The following SHCBP1 variants were observed in gnomAD, a reference collection of about 807,000 sequenced individuals.
SHCBP1 encodes SHC binding and spindle associated 1, also known as SHC SH2 domain-binding protein 1.
Under a neutral mutation model 75.1 loss-of-function variants are expected in SHCBP1, and 60 were observed. That is an observed-to-expected ratio of 0.80 (90% CI 0.65 to 0.99). The LOEUF (loss-of-function observed/expected upper bound fraction) is 0.99, where lower values mean the gene tolerates loss of function less well. Ranked by LOEUF, SHCBP1 falls within the 50% of genes least tolerant of loss-of-function variation. The pLI is 0.00. For missense variants in SHCBP1, 709 were observed against 809.4 expected (o/e 0.88, Z 1.50); for synonymous variants, 290 against 293.2 (o/e 0.99, Z 0.11).
In SHCBP1 at chr16:46,599,930, T is replaced by G. The variant is rs1429707771; in HGVS notation, c.1246A>C (p.Lys416Gln). 6.2e-7 allele frequency: 1 copy of G among 1,613,364 alleles called. No individual in the cohort carries two copies. The highest frequency in any genetic ancestry group is 1.7e-5 in the Admixed American group (1 of 59,866). ...ACAAAAGTGTCGCCTTTGCCCCTCT[T>G]TTCTATCACAATGTCATCTGGTAGG... is the stretch of plus-strand genomic sequence containing the variant. ...YGLPDDIVIEKRGKGDTFVDC... is the reference protein window; with the variant it reads ...YGLPDDIVIEQRGKGDTFVDC... Residue 416 changes from lysine to glutamine, a missense_variant, in exon 9 of 13, where the codon AAG (lysine) becomes CAG (glutamine). By Grantham distance (53) the Lys-to-Gln change is moderately conservative. Transcript: ENST00000303383.
At chr16:46,584,403 G>GA (rs745598476) in intron 10 of SHCBP1, 1,392 of 167,702 alleles carry the variant, frequency 8.3e-3, no homozygotes, top group Middle Eastern at 0.017. Flanking sequence ...ATTCTGCCAA[G>GA]AAAAAAAAAA....
intron 4 of SHCBP1, among the ~76,000 whole-genome samples, chr16:46,612,986 C>T (rs1321427991): frequency 2.6e-5 from 4 of 152,156 alleles, no homozygotes; most frequent in Non-Finnish European, 4.4e-5. Context: ...CTCTCTCTTG[C>T]GTCTTAACTG....
Position 46,595,663 on chromosome 16 carries a change from G to A in SHCBP1, c.1353C>T (p.His451=), listed in dbSNP as rs267604549. ...HDAVEGILIV[H]RGKTTLENCV... Reference sequence around the variant, plus strand: ...AGTTTTCCAGCGTAGTCTTACCACGGTGAACAACTGGGATGAAAATACACG... The same window carrying A: ...AGTTTTCCAGCGTAGTCTTACCACGATGAACAACTGGGATGAAAATACACG... Residue 451 remains histidine, a synonymous_variant, in exon 10 of 13, where the codon CAC becomes CAT. Transcript: ENST00000303383. 10 of 1,612,596 alleles carry A rather than the reference G, an allele frequency of 6.2e-6. No individual in the cohort carries two copies. Among genetic ancestry groups the A allele is most frequent in the Non-Finnish European group, 8.5e-6 (10 of 1,178,874 alleles).
At position 46,599,840 on chromosome 16, in the gene SHCBP1, C is replaced by T. The variant is rs753737111; in HGVS notation, c.1336G>A (p.Gly446Arg). The change falls in exon 9 of 13, where the codon GGA (glycine) becomes AGA (arginine). Residue 446 changes from glycine (G) to arginine (R), a missense_variant. Transcript: ENST00000303383. ...ACATTCAGATACTTACTTAAGATTCCCTCTACAGCATCATGCTGAACAAAT... is the reference window on the plus strand; with the variant it reads ...ACATTCAGATACTTACTTAAGATTCTCTCTACAGCATCATGCTGAACAAAT... ...IKFVQHDAVE[G>R]ILIVHRGKTT... 1 of 1,601,314 alleles carries T rather than the reference C, an allele frequency of 6.2e-7. No individual in the cohort carries two copies. The highest frequency in any genetic ancestry group is 8.5e-7 in the Non-Finnish European group (1 of 1,175,928).
intron 9 of SHCBP1, among the ~76,000 whole-genome samples, chr16:46,598,968 A>G (rs1362261807): frequency 6.6e-6 from 1 of 152,216 alleles, no homozygotes; most frequent in South Asian, 2.1e-4. Flanking sequence ...CTTCTTCTAC[A>G]GCTTCCTCAC....
In SHCBP1 at chr16:46,621,377, G is replaced by T. The variant is rs779705278; in HGVS notation, c.-18C>A. ...TCAGCCATTTCAAATTTCCGCGGAC[G>T]GCAGCCCAGGCAACGACGTGATGAC... is the stretch of plus-strand genomic sequence containing the variant. On this transcript the variant is annotated 5_prime_UTR_variant, in exon 1 of 13. Coordinates refer to ENST00000303383, the MANE Select transcript of SHCBP1 (RefSeq NM_024745.5). The T allele has an allele frequency of 7.5e-6, 12 of 1,609,014 alleles. No individual in the cohort carries two copies. The highest frequency in any genetic ancestry group is 1.3e-5 in the African/African-American group (1 of 74,958).
At chr16:46,613,214 T>A (rs563826111) in intron 4 of SHCBP1, among the ~76,000 whole-genome samples, 1 of 152,290 alleles carries the variant, frequency 6.6e-6, no homozygotes, top group East Asian at 1.9e-4. Flanking sequence ...TAATCCCAGC[T>A]GATCCAGAGG....
Position 46,616,129 on chromosome 16 carries a change from A to G in SHCBP1, c.413T>C (p.Leu138Ser). The change falls in exon 4 of 13, where the codon TTG becomes TCG. Residue 138 changes from leucine (L) to serine (S), a missense_variant. Transcript: ENST00000303383. This position sits in a 1 kb window ranked among gnomAD's most constrained non-coding sequence, Gnocchi z 4.4. Reference sequence around the variant, plus strand: ...TTCAGCAAGCCTCACCACTGCCTTCAAGGCTGCAAAGTCCACATCTGTGAT... The same window carrying G: ...TTCAGCAAGCCTCACCACTGCCTTCGAGGCTGCAAAGTCCACATCTGTGAT... ...VEITDVDFAA[L>S]KAVVRLAEPY... 1 of 1,614,084 alleles carries G rather than the reference A, an allele frequency of 6.2e-7. No homozygotes were observed. Among genetic ancestry groups the G allele is most frequent in the Non-Finnish European group, 8.5e-7 (1 of 1,179,936 alleles).
intron 10 of SHCBP1, among the ~76,000 whole-genome samples, chr16:46,592,973 A>AAAAAAAAAAAAAAAT (rs1254550574): frequency 6.8e-6 from 1 of 147,762 alleles, no homozygotes; most frequent in Non-Finnish European, 1.5e-5. Context: ...AAAAAAAAAA[A>AAAAAAAAAAAAAAAT]AAAGCAGAAA....
intron 7 of SHCBP1, 22 bp downstream of exon 7, chr16:46,603,953 G>C: frequency 6.3e-7 from 1 of 1,593,714 alleles, no homozygotes; most frequent in Non-Finnish European, 8.5e-7. Flanking sequence ...AAGCCACCTG[G>C]AGTGAGAAAC....
At chr16:46,614,865 T>G (rs555855463) in intron 4 of SHCBP1, among the ~76,000 whole-genome samples, 1 of 152,162 alleles carries the variant, frequency 6.6e-6, no homozygotes, top group African/African-American at 2.4e-5. Flanking sequence ...CCCCTACTTT[T>G]GTTAACATTT....
At chr16:46,619,629 T>C (rs181591625) in intron 1 of SHCBP1, among the ~76,000 whole-genome samples, 1 of 152,372 alleles carries the variant, frequency 6.6e-6, no homozygotes, top group Non-Finnish European at 1.5e-5. Flanking sequence ...ATAATGTATA[T>C]GTTTGTTAAA....
At chr16:46,603,457 G>T in intron 8 of SHCBP1, 82 bp downstream of exon 8, 1 of 1,570,438 alleles carries the variant, frequency 6.4e-7, no homozygotes, top group Non-Finnish European at 8.7e-7. Context: ...TCACATTCTT[G>T]GAGTTTCAAC....
chr16:46,605,694 A>T (rs1567450273), intron 5 of SHCBP1, among the ~76,000 whole-genome samples: 1 of 152,184 alleles, frequency 6.6e-6, no homozygotes, highest in Non-Finnish European at 1.5e-5. Flanking sequence ...TTCCCTGGGG[A>T]TGCTAATGTG....
Position 46,617,686 on chromosome 16 carries a change from G to A in SHCBP1, c.335C>T (p.Pro112Leu), listed in dbSNP as rs761201254. ...GTGCCAGACTGCCCGCCATCCAGAT[G>A]GCTCAAGGACCTTCTCCAAGAACTC... Reference protein sequence around the residue: ...TAEFLEKVLEPSGWRAVWHTN... With the variant: ...TAEFLEKVLELSGWRAVWHTN... The change falls in exon 3 of 13, where the codon CCA (proline) becomes CTA (leucine). Residue 112 changes from proline to leucine, a missense_variant. Coordinates refer to ENST00000303383, the MANE Select transcript of SHCBP1 (RefSeq NM_024745.5). 12 of 1,613,408 alleles carry A rather than the reference G, an allele frequency of 7.4e-6. No homozygotes were observed. Among genetic ancestry groups the A allele is most frequent in the South Asian group, 1.1e-5 (1 of 91,050 alleles).
Position 46,608,381 on chromosome 16 carries a change from T to C in SHCBP1, c.605A>G (p.Tyr202Cys), listed in dbSNP as rs750630198. The C allele has an allele frequency of 6.2e-7, 1 of 1,611,828 alleles. No individual in the cohort carries two copies. Among genetic ancestry groups the C allele is most frequent in the Non-Finnish European group, 8.5e-7 (1 of 1,178,198 alleles). Residue 202 changes from tyrosine (Y) to cysteine (C), a missense_variant, in exon 5 of 13, where the codon TAC (tyrosine) becomes TGC (cysteine). Tyr to Cys is a radical substitution (Grantham distance 194). Transcript: ENST00000303383. ...ATCCCAACTCCTCCAAATGTTTTGGTAGAAAAATCTGAAATGGAACTTAGT... is the reference window on the plus strand; with the variant it reads ...ATCCCAACTCCTCCAAATGTTTTGGCAGAAAAATCTGAAATGGAACTTAGT... ...ALAIEHVRFF[Y>C]QNIWRSWDEE...
intron 10 of SHCBP1, among the ~76,000 whole-genome samples, chr16:46,595,151 T>A (rs1190898681): frequency 2.0e-5 from 3 of 152,166 alleles, no homozygotes; most frequent in Non-Finnish European, 4.4e-5. Flanking sequence ...CCTGTGGTGA[T>A]GGGAATATTC....
At chr16:46,589,578 C>T (rs890632463) in intron 10 of SHCBP1, among the ~76,000 whole-genome samples, 2 of 152,096 alleles carry the variant, frequency 1.3e-5, no homozygotes, top group Admixed American at 1.3e-4. Flanking sequence ...TTCAAAATTG[C>T]TTCAAAGAGA....
At chr16:46,592,766 G>A (rs1965066256) in intron 10 of SHCBP1, among the ~76,000 whole-genome samples, 1 of 151,436 alleles carries the variant, frequency 6.6e-6, no homozygotes, top group South Asian at 2.1e-4. Flanking sequence ...TGGGTTTTAT[G>A]CCACAGAGGC....
Sources: gnomAD v4.1 joint callset for allele counts (sites outside exome capture counted in the v4.1 genomes callset) on GRCh38, gnomAD v4.1.1 for gene constraint, Gnocchi (gnomAD v3.1) non-coding constraint, MANE v1.5 for transcripts, NCBI Gene and HGNC (gene_info 2026-07-23, HGNC 2026-07-21) for gene names.